The following NETO2 variants were observed in gnomAD, a reference collection of about 807,000 sequenced individuals.
The protein encoded by NETO2 is neuropilin and tolloid-like protein 2.
A neutral mutation model predicts 62.5 loss-of-function variants in NETO2; 28 were observed. The observed-to-expected ratio is 0.45, with a 90% CI of 0.33 to 0.61. The LOEUF is 0.61. Ranked by LOEUF, NETO2 falls within the 20% of genes least tolerant of loss-of-function variation. The probability of loss-of-function intolerance (pLI) is 0.02; values close to 1 mark genes in which losing one functional copy is unlikely to be tolerated. For synonymous variants in NETO2, 214 were observed against 219.1 expected (o/e 0.98, Z 0.21); for missense variants, 548 against 643.2 (o/e 0.85, Z 1.60).
chr16:47,096,168 A>G (rs1286434332), intron 7 of NETO2, among the ~76,000 whole-genome samples: 2 of 152,212 alleles, frequency 1.3e-5, no homozygotes, highest in African/African-American at 4.8e-5. Context: ...AAGCAGTAGT[A>G]AAAGGGAAAT....
chr16:47,108,346 T>C (rs1442500764), intron 7 of NETO2, among the ~76,000 whole-genome samples: 1 of 152,130 alleles, frequency 6.6e-6, no homozygotes. Context: ...AAGAGACTTA[T>C]TAATTAGAAA....
At position 47,083,790 on chromosome 16, in the gene NETO2, C is replaced by T. The variant is rs777196698; in HGVS notation, c.1009G>A (p.Ala337Thr). Residue 337 changes from alanine to threonine, a missense_variant, in exon 9 of 9, where the codon GCA becomes ACA. Coordinates refer to ENST00000562435, the MANE Select transcript of NETO2 (RefSeq NM_018092.5). ...DENHCKEKKK[A>T]GVFEQITKTH... The stretch of plus-strand genomic sequence containing the variant: ...TTAGTGATTTGTTCAAATACTCCTG[C>T]TTTTTTCTTTTCTGCAGAAAGAAAA... The T allele has an allele frequency of 1.3e-6, 2 of 1,575,588 alleles. No homozygotes were observed. The highest frequency in any genetic ancestry group is 1.7e-6 in the Non-Finnish European group (2 of 1,159,594).
At chr16:47,131,169 A>C (rs1964259600) in intron 2 of NETO2, among the ~76,000 whole-genome samples, 1 of 152,206 alleles carries the variant, frequency 6.6e-6, no homozygotes, top group Admixed American at 6.5e-5. Context: ...TTATGACAGA[A>C]CTGTGTTGAG....
chr16:47,083,131 G>C lies in NETO2; in HGVS notation c.*90C>G. The C allele has an allele frequency of 8.7e-7, 1 of 1,152,566 alleles. No homozygotes were observed. The highest frequency in any genetic ancestry group is 1.5e-5 in the South Asian group (1 of 66,310). 71.4% of individuals were successfully genotyped at this position (1,152,566 alleles called of 1,614,324 possible). A position where few individuals can be genotyped will look rare whatever the true frequency, so the allele number is the denominator to read the frequency against. ...ATCAAGGTCTTCGTAGTTGTGATGG[G>C]AGAAAAGGGTTGGCTGCTGGAAACA... On this transcript the variant is annotated 3_prime_UTR_variant, in exon 9 of 9. Transcript: ENST00000562435.
intron 2 of NETO2, among the ~76,000 whole-genome samples, chr16:47,131,425 A>G (rs1177388939): frequency 6.6e-6 from 1 of 152,192 alleles, no homozygotes. Context: ...TGGGGAACTC[A>G]TTTTTCCTAA....
intron 1 of NETO2, among the ~76,000 whole-genome samples, chr16:47,135,930 A>G (rs1309156832): frequency 6.6e-6 from 1 of 152,202 alleles, no homozygotes; most frequent in Non-Finnish European, 1.5e-5. Context: ...TTAAGGGAAG[A>G]AAGTAAAACT....
chr16:47,130,820 T>A (rs368634859), intron 2 of NETO2, among the ~76,000 whole-genome samples: 1 of 152,138 alleles, frequency 6.6e-6, no homozygotes, highest in Admixed American at 6.5e-5. Context: ...GTTGAGGAAT[T>A]TGAAGAGTTG....
intron 1 of NETO2, 132 bp downstream of exon 1, chr16:47,143,447 C>T (rs938469879): frequency 1.3e-5 from 14 of 1,096,214 alleles, no homozygotes; most frequent in Non-Finnish European, 1.6e-5. Flanking sequence ...CTCCGAGTAG[C>T]CGCGAGCCCC....
intron 6 of NETO2, 140 bp downstream of exon 6, chr16:47,122,517 G>T: frequency 1.1e-6 from 1 of 902,100 alleles, no homozygotes; most frequent in Non-Finnish European, 1.6e-6. Context: ...AATAAAGTAA[G>T]TGAAATAAAA....
intron 6 of NETO2, among the ~76,000 whole-genome samples, chr16:47,110,925 A>T (rs952268406): frequency 6.6e-6 from 1 of 152,228 alleles, no homozygotes; most frequent in African/African-American, 2.4e-5. Flanking sequence ...TGACTGGTTC[A>T]CCACTTCCGT....
At chr16:47,088,896 G>T (rs1486517351) in intron 7 of NETO2, among the ~76,000 whole-genome samples, 2 of 152,168 alleles carry the variant, frequency 1.3e-5, no homozygotes, top group Admixed American at 6.5e-5. Context: ...TAGGTACCTA[G>T]ATAACTCCAA....
rs544503265 is a variant in NETO2, at chr16:47,129,847, G to A, written c.92-483C>T. On this transcript the variant is annotated intron_variant, in intron 2 of 8. Transcript: ENST00000562435. ...AAACTCCACTTAAACAGCAATAAAA[G>A]GATTTTTAAAAGGGTATAAACTCTT... is the stretch of plus-strand genomic sequence containing the variant. 7.2e-5 allele frequency among the ~76,000 whole-genome samples: 11 copies of A among 152,236 alleles called. 1 individual carries two copies. The highest frequency in any genetic ancestry group is 4.1e-4 in the South Asian group (2 of 4,826).
chr16:47,098,131 C>T (rs1963466058), intron 7 of NETO2, among the ~76,000 whole-genome samples: 2 of 152,174 alleles, frequency 1.3e-5, no homozygotes, highest in African/African-American at 4.8e-5. Context: ...TCCAAAGGAT[C>T]ACAACCCCTT....
At chr16:47,137,221 C>A (rs1020821615) in intron 1 of NETO2, among the ~76,000 whole-genome samples, 1 of 152,224 alleles carries the variant, frequency 6.6e-6, no homozygotes, top group African/African-American at 2.4e-5. Context: ...GGTCCTCAAA[C>A]TTTAATGTGC....
At chr16:47,141,964 T>C (rs1174047431) in intron 1 of NETO2, among the ~76,000 whole-genome samples, 1 of 152,200 alleles carries the variant, frequency 6.6e-6, no homozygotes, top group Non-Finnish European at 1.5e-5. Context: ...AGCTCGATTT[T>C]ATCAAGTTCT....
At chr16:47,094,543 A>G (rs1596706573) in intron 7 of NETO2, among the ~76,000 whole-genome samples, 1 of 151,100 alleles carries the variant, frequency 6.6e-6, no homozygotes, top group East Asian at 1.9e-4. Flanking sequence ...CTCCTGCCCC[A>G]GCCTATCGAG....
chr16:47,084,396 G>T (rs2143795179), intron 8 of NETO2, among the ~76,000 whole-genome samples: 1 of 152,280 alleles, frequency 6.6e-6, no homozygotes, highest in South Asian at 2.1e-4. Context: ...CAGGAACTGG[G>T]TATCACTGCA....
At chr16:47,143,106 G>T (rs934946317) in intron 1 of NETO2, among the ~76,000 whole-genome samples, 4 of 152,050 alleles carry the variant, frequency 2.6e-5, no homozygotes, top group Non-Finnish European at 5.9e-5. Flanking sequence ...CAGGCGCCGC[G>T]GGGCTATTCG....
Position 47,086,343 on chromosome 16 carries a change from C to T in NETO2, c.884-4G>A, listed in dbSNP as rs774395676. On this transcript the variant is annotated splice_polypyrimidine_tract_variant and splice_region_variant and intron_variant, in intron 7 of 8. Coordinates refer to ENST00000562435, the MANE Select transcript of NETO2 (RefSeq NM_018092.5). ...AAAGTGCTGCTTGTGCAGGGAGCTG[C>T]AGGAAGAGAAAACAGTGTTGCAAAG... 31 of 1,602,454 alleles carry T rather than the reference C, an allele frequency of 1.9e-5. No individual in the cohort carries two copies. Among genetic ancestry groups the T allele is most frequent in the Non-Finnish European group, 2.6e-5 (30 of 1,169,838 alleles).
Sources: gnomAD v4.1 joint callset for allele counts (sites outside exome capture counted in the v4.1 genomes callset) on GRCh38, gnomAD v4.1.1 for gene constraint, MANE v1.5 for transcripts, NCBI Gene and HGNC (gene_info 2026-07-23, HGNC 2026-07-21) for gene names.